Variants in GPC6 observed in about 807,000 individuals in gnomAD.
GPC6 encodes the protein glypican 6.
A neutral mutation model predicts 55.2 loss-of-function variants in GPC6; 14 were observed. The ratio of observed to expected loss-of-function variants is 0.25; its 90% confidence interval spans 0.17 to 0.40. GPC6 has a LOEUF of 0.40. Among genes scored for constraint, GPC6 ranks in the 10% least tolerant of loss-of-function variants. The pLI is 1.00. For synonymous variants in GPC6, 278 were observed against 259.6 expected (o/e 1.07, Z -0.68); for missense variants, 641 against 708.5 (o/e 0.90, Z 1.08).
intron 3 of GPC6, among the ~76,000 whole-genome samples, chr13:93,860,994 G>T (rs1888791692): frequency 6.6e-6 from 1 of 150,534 alleles, no homozygotes; most frequent in East Asian, 2.0e-4. Context: ...TGGGGACTGT[G>T]TTGCAGTTAC....
chr13:93,431,145 G>A (rs1158913244), intron 1 of GPC6, among the ~76,000 whole-genome samples: 3 of 152,152 alleles, frequency 2.0e-5, no homozygotes, highest in East Asian at 1.9e-4. Flanking sequence ...TTTGACTCTC[G>A]TGATCTGGAA....
intron 3 of GPC6, among the ~76,000 whole-genome samples, chr13:93,962,945 A>G (rs189249197): frequency 1.3e-5 from 2 of 152,272 alleles, no homozygotes; most frequent in African/African-American, 4.8e-5. Context: ...GATTAGCTCT[A>G]TCTCACCATT....
At chr13:93,416,296 A>C (rs1345252818) in intron 1 of GPC6, among the ~76,000 whole-genome samples, 2 of 152,144 alleles carry the variant, frequency 1.3e-5, no homozygotes, top group Non-Finnish European at 2.9e-5. Flanking sequence ...GACTACAAAC[A>C]TTTTAATTTA....
intron 1 of GPC6, among the ~76,000 whole-genome samples, chr13:93,401,555 A>G (rs10507999): frequency 0.043 from 6,486 of 151,806 alleles, 184 homozygotes; most frequent in Middle Eastern, 0.058. Context: ...TGTTTCAGAC[A>G]CTAGGATCTA....
intron 3 of GPC6, among the ~76,000 whole-genome samples, chr13:93,986,034 GGATAGACACA>G (rs1290393075): frequency 6.6e-6 from 1 of 151,868 alleles, no homozygotes; most frequent in African/African-American, 2.4e-5. Context: ...TTTTGTTACC[GGATAGACACA>G]GATCCTCATA....
intron 1 of GPC6, among the ~76,000 whole-genome samples, chr13:93,399,593 G>T (rs1360175332): frequency 1.3e-5 from 2 of 152,214 alleles, no homozygotes; most frequent in Non-Finnish European, 2.9e-5. Context: ...GATCAGAAAA[G>T]AAATGTGAGT....
At chr13:94,165,390 G>A (rs920145648) in intron 4 of GPC6, among the ~76,000 whole-genome samples, 1 of 151,852 alleles carries the variant, frequency 6.6e-6, no homozygotes, top group African/African-American at 2.4e-5. Context: ...AAGTAACTCA[G>A]GAATGGAAAA....
intron 4 of GPC6, among the ~76,000 whole-genome samples, chr13:94,057,437 T>C (rs1323028225): frequency 6.6e-6 from 1 of 152,204 alleles, no homozygotes; most frequent in African/African-American, 2.4e-5. Context: ...AATCTGTGTT[T>C]GCTGTTGCAG....
intron 1 of GPC6, among the ~76,000 whole-genome samples, chr13:93,427,883 T>A (rs1398157479): frequency 6.6e-6 from 1 of 152,184 alleles, no homozygotes; most frequent in Non-Finnish European, 1.5e-5. Flanking sequence ...CATGCAGGCT[T>A]GTAGACTTAG....
At position 94,362,545 on chromosome 13, in the gene GPC6, G is replaced by T. The variant is rs761055980; in HGVS notation, c.1153-19869G>T. 6.6e-5 allele frequency among the ~76,000 whole-genome samples: 10 copies of T among 152,074 alleles called. 1 individual carries two copies. Among genetic ancestry groups the T allele is most frequent in the Admixed American group, 2.0e-4 (3 of 15,248 alleles). On this transcript the variant is annotated intron_variant, in intron 6 of 8. Transcript: ENST00000377047. Reference sequence around the variant, plus strand: ...TATTCTCGGGGATAAGACTGGTAAGGGGGTGAAAGGTGGACAAAGACTGGA... The same window carrying T: ...TATTCTCGGGGATAAGACTGGTAAGTGGGTGAAAGGTGGACAAAGACTGGA...
intron 1 of GPC6, among the ~76,000 whole-genome samples, chr13:93,245,364 C>T (rs1258984554): frequency 6.6e-6 from 1 of 152,138 alleles, no homozygotes; most frequent in Non-Finnish European, 1.5e-5. Context: ...TTCCTTCCTT[C>T]ATTCTTTCCC....
chr13:93,609,531 C>T (rs370796080), intron 2 of GPC6, among the ~76,000 whole-genome samples: 1 of 152,172 alleles, frequency 6.6e-6, no homozygotes, highest in South Asian at 2.1e-4. Flanking sequence ...AGCCACCGCG[C>T]CCAGCTGCTA....
chr13:93,257,859 G>A (rs1297405654), intron 1 of GPC6, among the ~76,000 whole-genome samples: 5 of 152,152 alleles, frequency 3.3e-5, no homozygotes, highest in Non-Finnish European at 7.3e-5. Context: ...TCAAATCATT[G>A]AGCTACATAC....
chr13:93,446,913 A>T (rs568423172), intron 1 of GPC6, among the ~76,000 whole-genome samples: 53 of 152,188 alleles, frequency 3.5e-4, no homozygotes, highest in Admixed American at 1.4e-3. Flanking sequence ...AAGAATTTTT[A>T]AAAAAATCAA....
At chr13:93,800,906 T>G (rs1886348215) in intron 2 of GPC6, among the ~76,000 whole-genome samples, 1 of 152,172 alleles carries the variant, frequency 6.6e-6, no homozygotes, top group African/African-American at 2.4e-5. Flanking sequence ...GCTATAAGTT[T>G]GTATTATTTT....
At chr13:94,261,518 G>T (rs1261741411) in intron 4 of GPC6, among the ~76,000 whole-genome samples, 2 of 152,172 alleles carry the variant, frequency 1.3e-5, no homozygotes, top group East Asian at 1.9e-4. Context: ...AGTAGAAATA[G>T]AAATTTTTAA....
chr13:93,926,333 G>A (rs1877857160), intron 3 of GPC6, among the ~76,000 whole-genome samples: 1 of 152,046 alleles, frequency 6.6e-6, no homozygotes, highest in South Asian at 2.1e-4. Flanking sequence ...TTTATCTAAG[G>A]GAGAAAAAAG....
At chr13:93,271,739 T>C (rs902271042) in intron 1 of GPC6, among the ~76,000 whole-genome samples, 1 of 152,160 alleles carries the variant, frequency 6.6e-6, no homozygotes. Context: ...TATCATAGAA[T>C]TTGGAAAGAA....
intron 3 of GPC6, among the ~76,000 whole-genome samples, chr13:93,963,481 C>A (rs1159681408): frequency 6.6e-6 from 1 of 152,210 alleles, no homozygotes; most frequent in Non-Finnish European, 1.5e-5. Flanking sequence ...CTTAAATAAA[C>A]ATCATTTATA....
Sources: allele counts gnomAD v4.1 joint callset (sites outside exome capture counted in the v4.1 genomes callset), GRCh38; gene constraint gnomAD v4.1.1; transcripts MANE v1.5; gene names NCBI Gene and HGNC (gene_info 2026-07-23, HGNC 2026-07-21).